Variants in LURAP1L observed in about 807,000 individuals in gnomAD.
The protein encoded by LURAP1L is leucine rich adaptor protein 1-like.
LURAP1L carries 12 observed loss-of-function variants against 13.8 expected under a neutral mutation model. The observed-to-expected ratio is 0.87, with a 90% confidence interval of 0.56 to 1.41. The LOEUF (loss-of-function observed/expected upper bound fraction) is 1.41. Ranked by LOEUF, LURAP1L falls within the 40% of genes most tolerant of loss-of-function variation. LURAP1L has a pLI of 0.00. For synonymous variants in LURAP1L, 139 were observed against 119.2 expected, an observed-to-expected ratio of 1.17 and a Z score of -1.08; for missense variants, 375 against 292.9, an observed-to-expected ratio of 1.28 and a Z score of -2.04.
chr9:12,793,086 A>G (rs755004220), intron 1 of LURAP1L, among the ~76,000 whole-genome samples: 2 of 152,076 alleles, frequency 1.3e-5, no homozygotes, highest in Non-Finnish European at 2.9e-5. Context: ...ATTAACCCAG[A>G]TTGCATGTCA....
chr9:12,785,334 G>T (rs1819334860), intron 1 of LURAP1L, among the ~76,000 whole-genome samples: 1 of 152,036 alleles, frequency 6.6e-6, no homozygotes, highest in African/African-American at 2.4e-5. Flanking sequence ...GGGGGAGGGG[G>T]TGACACAAGC....
At chr9:12,810,903 T>G (rs1333034254) in intron 1 of LURAP1L, among the ~76,000 whole-genome samples, 2 of 152,186 alleles carry the variant, frequency 1.3e-5, no homozygotes, top group African/African-American at 4.8e-5. Context: ...AAAACAAAAC[T>G]GATCTTAAGC....
At chr9:12,813,614 T>C (rs1420295161) in intron 1 of LURAP1L, among the ~76,000 whole-genome samples, 2 of 152,158 alleles carry the variant, frequency 1.3e-5, no homozygotes, top group Non-Finnish European at 2.9e-5. Context: ...AAATTGAAAT[T>C]TGTGGCATGT....
At chr9:12,810,271 C>A (rs1180638451) in intron 1 of LURAP1L, among the ~76,000 whole-genome samples, 3 of 152,162 alleles carry the variant, frequency 2.0e-5, no homozygotes, top group Non-Finnish European at 4.4e-5. Context: ...AGCTAGTCCA[C>A]ACTAACCTTC....
At chr9:12,792,056 A>C (rs914243724) in intron 1 of LURAP1L, among the ~76,000 whole-genome samples, 3 of 152,152 alleles carry the variant, frequency 2.0e-5, no homozygotes, top group African/African-American at 7.2e-5. Flanking sequence ...TTAGAAGAAC[A>C]TGCCTTTAAT....
intron 1 of LURAP1L, chr9:12,777,484 G>A (rs748311861): frequency 1.3e-4 from 128 of 985,102 alleles, no homozygotes; most frequent in Non-Finnish European, 1.5e-4. Context: ...TCAAGGAGAT[G>A]AGGAAATTTT....
chr9:12,812,042 T>A (rs1819743762), intron 1 of LURAP1L, among the ~76,000 whole-genome samples: 1 of 152,168 alleles, frequency 6.6e-6, no homozygotes, highest in African/African-American at 2.4e-5. Flanking sequence ...GTTCACAGCA[T>A]TGTAGATGGC....
At chr9:12,799,732 A>G (rs907080615) in intron 1 of LURAP1L, among the ~76,000 whole-genome samples, 2 of 152,204 alleles carry the variant, frequency 1.3e-5, no homozygotes, top group African/African-American at 4.8e-5. Flanking sequence ...TACAAAAATT[A>G]GCCAGGTGGC....
chr9:12,775,622 C>T lies in LURAP1L; in HGVS notation c.-94C>T, dbSNP rs1326379105. ...GGCGGAGGATAGAGACCCTGGCCCC[C>T]GGAGAGGTCTGCTGATTTCGCAGCA... On this transcript the variant is annotated 5_prime_UTR_variant, in exon 1 of 2. Transcript: ENST00000319264. 4 of 1,480,720 alleles carry T rather than the reference C, an allele frequency of 2.7e-6. No individual in the cohort carries two copies. In the African/African-American group the frequency reaches 4.2e-5, roughly 16 times the overall value. The allele number at this position is 1,480,720 out of a possible 1,614,324, so 91.7% of individuals were successfully genotyped here.
rs190902097 is a variant in LURAP1L, at chr9:12,805,417, A to G, written c.313-15969A>G. ...TGCATATATGAATACTAAATATGGT[A>G]AATAGTGGTGAAAGGTTTTTTTCTC... is the stretch of plus-strand genomic sequence containing the variant. On this transcript the variant is annotated intron_variant, in intron 1 of 1. Coordinates refer to ENST00000319264, the MANE Select transcript of LURAP1L (RefSeq NM_203403.2). 3.1e-3 allele frequency among the ~76,000 whole-genome samples: 474 copies of G among 152,304 alleles called. 7 individuals are homozygous for G. Among genetic ancestry groups the G allele is most frequent in the African/African-American group, 0.011 (463 of 41,560 alleles).
intron 1 of LURAP1L, among the ~76,000 whole-genome samples, chr9:12,818,426 G>A (rs1213936151): frequency 1.3e-5 from 2 of 152,150 alleles, no homozygotes; most frequent in African/African-American, 4.8e-5. Flanking sequence ...AACCAATTAT[G>A]ACTATTTCCA....
intron 1 of LURAP1L, among the ~76,000 whole-genome samples, chr9:12,777,793 T>C (rs1389273961): frequency 6.6e-6 from 1 of 152,204 alleles, no homozygotes; most frequent in Non-Finnish European, 1.5e-5. Flanking sequence ...TGCACAACCA[T>C]GTTGTCCTGT....
intron 1 of LURAP1L, among the ~76,000 whole-genome samples, chr9:12,808,739 G>T (rs1819695243): frequency 6.6e-6 from 1 of 152,104 alleles, no homozygotes; most frequent in African/African-American, 2.4e-5. Context: ...GAGTTTTGCA[G>T]ATCTGTAGCT....
chr9:12,817,674 C>G (rs946364026), intron 1 of LURAP1L, among the ~76,000 whole-genome samples: 1 of 152,116 alleles, frequency 6.6e-6, no homozygotes, highest in African/African-American at 2.4e-5. Flanking sequence ...ACAGAAGGAA[C>G]CACACAGTTT....
At chr9:12,784,921 A>G (rs1819328692) in intron 1 of LURAP1L, among the ~76,000 whole-genome samples, 2 of 151,986 alleles carry the variant, frequency 1.3e-5, no homozygotes, top group South Asian at 4.2e-4. Flanking sequence ...GCTGATACCC[A>G]AATTCTGAGT....
At chr9:12,799,727 A>C (rs911744974) in intron 1 of LURAP1L, among the ~76,000 whole-genome samples, 4 of 152,028 alleles carry the variant, frequency 2.6e-5, no homozygotes, top group African/African-American at 9.7e-5. Context: ...AAAAATACAA[A>C]AATTAGCCAG....
rs552725077 is a variant in LURAP1L at position 12,822,827 on chromosome 9, G to T, written c.*1067G>T. Reference sequence around the variant, plus strand: ...TAATCCTCTGCATTTCTTTTATCTTGATAACTCCTAGTGAGGGAATCTAAT... The same window carrying T: ...TAATCCTCTGCATTTCTTTTATCTTTATAACTCCTAGTGAGGGAATCTAAT... On this transcript the variant is annotated 3_prime_UTR_variant, in exon 2 of 2. Transcript: ENST00000319264. Among the ~76,000 whole-genome samples the T allele has an allele frequency of 6.6e-5, 10 of 152,092 alleles. No individual in the cohort carries two copies. In the East Asian group the frequency reaches 1.9e-3, roughly 29 times the overall value.
intron 1 of LURAP1L, among the ~76,000 whole-genome samples, chr9:12,785,938 G>T (rs148972026): frequency 6.6e-6 from 1 of 152,086 alleles, no homozygotes; most frequent in African/African-American, 2.4e-5. Flanking sequence ...CTATTCAGCC[G>T]TCTTGCTCCA....
In LURAP1L at chr9:12,811,931, C is replaced by T. The variant is rs528836511; in HGVS notation, c.313-9455C>T. On this transcript the variant is annotated intron_variant, in intron 1 of 1. Transcript: ENST00000319264. Reference sequence around the variant, plus strand: ...GCTCGATCCAGGGAGGATCCACTTCCCAGCTCAATCACATGGCCAGTAGCA... The same window carrying T: ...GCTCGATCCAGGGAGGATCCACTTCTCAGCTCAATCACATGGCCAGTAGCA... Among the ~76,000 whole-genome samples the T allele has an allele frequency of 4.6e-5, 7 of 152,206 alleles. No homozygotes were observed. The South Asian group carries it at 1.0e-3, about 23-fold the overall frequency.
Sources: allele counts gnomAD v4.1 joint callset (sites outside exome capture counted in the v4.1 genomes callset), GRCh38; gene constraint gnomAD v4.1.1; transcripts MANE v1.5; gene names NCBI Gene and HGNC (gene_info 2026-07-23, HGNC 2026-07-21).